SLC5A12: variants seen among roughly 807,000 people sequenced by gnomAD.
SLC5A12 encodes solute carrier family 5 member 12, also known as sodium-coupled monocarboxylate transporter 2.
SLC5A12 carries 46 observed loss-of-function variants against 72.7 expected under a neutral mutation model. The ratio of observed to expected loss-of-function variants is 0.63; its 90% CI spans 0.50 to 0.81. The LOEUF (loss-of-function observed/expected upper bound fraction) is 0.81. Ranked by LOEUF, SLC5A12 falls within the 30% of genes least tolerant of loss-of-function variation. The pLI, the probability that SLC5A12 is intolerant of heterozygous loss-of-function variation, is 0.00. For synonymous variants in SLC5A12, 275 were observed against 264.4 expected (o/e 1.04, Z -0.39); for missense variants, 683 against 740.7 (o/e 0.92, Z 0.90).
intron 4 of SLC5A12, among the ~76,000 whole-genome samples, chr11:26,708,164 G>T (rs1855134291): frequency 6.6e-6 from 1 of 151,872 alleles, no homozygotes; most frequent in African/African-American, 2.4e-5. Flanking sequence ...TTTGTTTTTG[G>T]GGGAGAACAC....
chr11:26,674,719 A>G (rs1312639412), intron 13 of SLC5A12, among the ~76,000 whole-genome samples: 3 of 152,096 alleles, frequency 2.0e-5, no homozygotes, highest in Non-Finnish European at 4.4e-5. Context: ...GTGGATTTTT[A>G]AAAATCTAAA....
chr11:26,694,683 A>G (rs1474862921), intron 8 of SLC5A12, among the ~76,000 whole-genome samples: 2 of 152,192 alleles, frequency 1.3e-5, no homozygotes, highest in Non-Finnish European at 2.9e-5. Flanking sequence ...GCTATTTTGG[A>G]AATCTGTCAA....
At chr11:26,678,886 G>C (rs760650545) in intron 12 of SLC5A12, 71 bp from the exon 13 acceptor site, 2 of 978,976 alleles carry the variant, frequency 2.0e-6, no homozygotes, top group Non-Finnish European at 3.0e-6. Flanking sequence ...GGACTGCTCA[G>C]GATTCATTTT....
chr11:26,692,404 G>T (rs1426047594), intron 9 of SLC5A12, 85 bp downstream of exon 9: 3 of 884,370 alleles, frequency 3.4e-6, no homozygotes, highest in Non-Finnish European at 5.7e-6. Flanking sequence ...TTATAAGTGT[G>T]TCCTGAATAG....
chr11:26,700,508 A>AATAAATAAATAAATAAATAAATAT (rs1854931914), intron 6 of SLC5A12, among the ~76,000 whole-genome samples: 2 of 151,828 alleles, frequency 1.3e-5, no homozygotes, highest in Non-Finnish European at 2.9e-5. Flanking sequence ...GAACACTGAA[A>AATAAATAAATAAATAAATAAATAT]ATAAATAAAT....
Position 26,721,966 on chromosome 11 carries a change from C to T in SLC5A12, c.-252G>A. 1 of 496,146 alleles carries T rather than the reference C, an allele frequency of 2.0e-6. No individual in the cohort carries two copies. The highest frequency in any genetic ancestry group is 3.6e-6 in the Non-Finnish European group (1 of 278,594). 30.7% of individuals were successfully genotyped at this position (496,146 alleles called of 1,614,324 possible). ...CAAGAGATGAGAATTTGAAATCTGACCCTAGCTAAGAGCTGTCTGCTCCTC... is the reference window on the plus strand; with the variant it reads ...CAAGAGATGAGAATTTGAAATCTGATCCTAGCTAAGAGCTGTCTGCTCCTC... On this transcript the variant is annotated 5_prime_UTR_variant, in exon 1 of 15. Transcript: ENST00000396005.
At chr11:26,689,022 G>T (rs116375151) in intron 9 of SLC5A12, among the ~76,000 whole-genome samples, 1,288 of 127,800 alleles carry the variant, frequency 0.01, 28 homozygotes, top group African/African-American at 0.037. Context: ...CAATAAAAAA[G>T]AATAAACTAT....
chr11:26,671,066 T>C lies in SLC5A12; in HGVS notation c.*36A>G. ...TGGAGTTTGTGTGTGTGTGTGTGTA[T>C]TGCACGTGTGTGTGTGCATTCATAC... On this transcript the variant is annotated 3_prime_UTR_variant, in exon 15 of 15. Coordinates refer to ENST00000396005, the MANE Select transcript of SLC5A12 (RefSeq NM_178498.4). The C allele has an allele frequency of 2.6e-6, 4 of 1,561,620 alleles. No individual in the cohort carries two copies. Among genetic ancestry groups the C allele is most frequent in the Non-Finnish European group, 3.5e-6 (4 of 1,144,618 alleles).
At chr11:26,705,925 TACACACAC>T (rs71047876) in intron 4 of SLC5A12, among the ~76,000 whole-genome samples, 26,611 of 129,518 alleles carry the variant, frequency 0.21, 2,734 homozygotes, top group Admixed American at 0.24. Context: ...TTCTCTGTCA[TACACACAC>T]ACACACACAC....
intron 2 of SLC5A12, 75 bp downstream of exon 2, chr11:26,712,563 TTTA>T (rs1049284227): frequency 7.3e-6 from 8 of 1,095,320 alleles, no homozygotes; most frequent in Admixed American, 4.1e-5. Flanking sequence ...TTTAGCTGAG[TTTA>T]TTGCCCCCAA....
intron 10 of SLC5A12, among the ~76,000 whole-genome samples, chr11:26,686,004 T>C (rs1854524317): frequency 6.6e-6 from 1 of 152,200 alleles, no homozygotes; most frequent in Non-Finnish European, 1.5e-5. Flanking sequence ...AGTTCCTTCA[T>C]CTGGAAAATT....
At chr11:26,722,882 G>A (rs1314533486), upstream of SLC5A12, among the ~76,000 whole-genome samples, 7 of 150,202 alleles carry the variant, frequency 4.7e-5, no homozygotes, top group East Asian at 1.2e-3. Flanking sequence ...GATCTAGTAT[G>A]AGTTTTCTCT....
In SLC5A12 at chr11:26,669,195, C is replaced by CTTTA. The variant is rs751762298; in HGVS notation, c.*1906_*1907insTAAA. On this transcript the variant is annotated 3_prime_UTR_variant, in exon 15 of 15. Coordinates refer to ENST00000396005, the MANE Select transcript of SLC5A12 (RefSeq NM_178498.4). ...TCTTTCTTTCTTTCTTCTTTTCTTT[C>CTTTA]TTTCTTTCTTTCTTTCTTTCTTTCT... 1.4e-5 allele frequency: 1 copy of CTTTA among 69,770 alleles called. No individual in the cohort carries two copies. Among genetic ancestry groups the CTTTA allele is most frequent in the African/African-American group, 3.8e-5 (1 of 26,052 alleles). The allele number at this position is 69,770 out of a possible 1,614,324, so 4.3% of individuals were successfully genotyped here. A position where few individuals can be genotyped will look rare whatever the true frequency, so the allele number is the denominator to read the frequency against.
chr11:26,682,028 T>C (rs1204307802), intron 11 of SLC5A12, among the ~76,000 whole-genome samples: 1 of 151,970 alleles, frequency 6.6e-6, no homozygotes, highest in African/African-American at 2.4e-5. Context: ...AAACAAGTGA[T>C]CTGAAAATTT....
intron 9 of SLC5A12, among the ~76,000 whole-genome samples, chr11:26,689,337 G>A (rs1216018123): frequency 6.6e-6 from 1 of 152,124 alleles, no homozygotes; most frequent in Non-Finnish European, 1.5e-5. Context: ...GGCGGAGGTG[G>A]CAGTGAGTCG....
intron 6 of SLC5A12, among the ~76,000 whole-genome samples, chr11:26,700,962 G>T (rs1053873084): frequency 7.9e-5 from 12 of 152,168 alleles, no homozygotes; most frequent in African/African-American, 2.9e-4. Flanking sequence ...AAGTACCAGA[G>T]ATTTTTCTAA....
chr11:26,687,912 G>T (rs993118519), intron 9 of SLC5A12, among the ~76,000 whole-genome samples: 2 of 152,150 alleles, frequency 1.3e-5, no homozygotes, highest in East Asian at 3.9e-4. Context: ...AACAATGTCT[G>T]CCCTGACTTT....
chr11:26,680,387 A>G (rs1854379484), intron 12 of SLC5A12, among the ~76,000 whole-genome samples: 1 of 69,672 alleles, frequency 1.4e-5, no homozygotes, highest in Non-Finnish European at 3.9e-5. Context: ...ATATATGTAT[A>G]TATATTCATA....
rs747699807 is a variant in SLC5A12 at position 26,711,390 on chromosome 11, G to A, written c.406-32C>T. ...GAGAAACAAGAATCAGATTGGCAGT[G>A]AGAAAGGGACATAGAAAGGAAAACT... On this transcript the variant is annotated intron_variant, in intron 2 of 14. Transcript: ENST00000396005. 3.2e-6 allele frequency: 5 copies of A among 1,575,112 alleles called. No homozygotes were observed. The South Asian group carries it at 4.5e-5, about 14-fold the overall frequency.
Sources: gnomAD v4.1 joint callset for allele counts (sites outside exome capture counted in the v4.1 genomes callset) on GRCh38, gnomAD v4.1.1 for gene constraint, MANE v1.5 for transcripts, NCBI Gene and HGNC (gene_info 2026-07-23, HGNC 2026-07-21) for gene names.